Variants in REDIC1 observed in about 807,000 individuals in gnomAD.
REDIC1 encodes HEI10 Interacting Protein 1.
At chr12:39,692,140 A>G in the REDIC1 span, 1 of 1,474,774 alleles carries the variant, frequency 6.8e-7, no homozygotes, top group African/African-American at 1.4e-5. Flanking sequence ...AGTTAATTTT[A>G]CTCTATTTTA....
chr12:39,741,354 C>T, the REDIC1 span, among the ~76,000 whole-genome samples: 16 of 152,178 alleles, frequency 1.1e-4, no homozygotes, highest in African/African-American at 3.9e-4. Flanking sequence ...ACAAGAATAT[C>T]GATAGACTTC....
the REDIC1 span, among the ~76,000 whole-genome samples, chr12:39,711,675 GTGTGTATGCACATGTATGTGTA>G: frequency 7.5e-6 from 1 of 133,848 alleles, no homozygotes. Context: ...ACACATGTAT[GTGTGTATGCACATGTATGTGTA>G]TGTGTATACA....
chr12:39,671,226 G>A, the REDIC1 span, among the ~76,000 whole-genome samples: 1 of 152,280 alleles, frequency 6.6e-6, no homozygotes, highest in African/African-American at 2.4e-5. Flanking sequence ...CCATAAAGTT[G>A]GTTGGGTAGG....
chr12:39,810,861 G>C, the REDIC1 span, among the ~76,000 whole-genome samples: 2 of 152,096 alleles, frequency 1.3e-5, no homozygotes, highest in Non-Finnish European at 2.9e-5. Context: ...ATACAAGGGA[G>C]ATACTGCGAT....
the REDIC1 span, chr12:39,640,820 G>T: frequency 3.8e-6 from 2 of 533,072 alleles, no homozygotes; most frequent in African/African-American, 2.0e-5. Context: ...TATTTTTATA[G>T]TTTCTTTTCA....
chr12:39,635,398 G>A, the REDIC1 span, among the ~76,000 whole-genome samples: 3 of 152,102 alleles, frequency 2.0e-5, no homozygotes, highest in Non-Finnish European at 4.4e-5. Flanking sequence ...CAACCCAAAT[G>A]TCCATCAATG....
chr12:39,902,771 T>C, the REDIC1 span, among the ~76,000 whole-genome samples: 2 of 152,146 alleles, frequency 1.3e-5, no homozygotes, highest in African/African-American at 2.4e-5. Flanking sequence ...AATAATTTTA[T>C]ATTTACATAG....
the REDIC1 span, among the ~76,000 whole-genome samples, chr12:39,728,426 G>C: frequency 3.3e-5 from 5 of 152,208 alleles, no homozygotes; most frequent in Admixed American, 2.6e-4. Context: ...CATTGATCAT[G>C]TTTATGTGTG....
chr12:39,653,536 C>CTTCTTCTTCTTCT, the REDIC1 span, among the ~76,000 whole-genome samples: 1 of 55,382 alleles, frequency 1.8e-5, no homozygotes, highest in African/African-American at 4.8e-5. Flanking sequence ...TCTTCTTCTT[C>CTTCTTCTTCTTCT]TTTTTCTTCT....
chr12:39,802,067 G>A, the REDIC1 span, among the ~76,000 whole-genome samples: 1 of 152,162 alleles, frequency 6.6e-6, no homozygotes, highest in Non-Finnish European at 1.5e-5. Flanking sequence ...ATATAATAGA[G>A]AAGCACTAAG....
chr12:39,900,651 AAGG>A, the REDIC1 span, among the ~76,000 whole-genome samples: 6 of 152,336 alleles, frequency 3.9e-5, no homozygotes, highest in African/African-American at 1.4e-4. Flanking sequence ...GGACCTCTTC[AAGG>A]AGAACCACAA....
At chr12:39,754,434 T>TCAA in the REDIC1 span, 8 of 152,226 alleles carry the variant, frequency 5.3e-5, no homozygotes, top group East Asian at 1.4e-3. Context: ...TAGATGTAAC[T>TCAA]CAACTGTAAG....
chr12:39,642,982 C>G, the REDIC1 span, among the ~76,000 whole-genome samples: 1 of 151,688 alleles, frequency 6.6e-6, no homozygotes, highest in Non-Finnish European at 1.5e-5. Flanking sequence ...TGACCTCTTG[C>G]ACTAAATATT....
At chr12:39,830,075 T>C in the REDIC1 span, 1 of 1,612,824 alleles carries the variant, frequency 6.2e-7, no homozygotes, top group Non-Finnish European at 8.5e-7. Context: ...TATTATTATA[T>C]ATTCGTATGG....
At chr12:39,637,086 C>T in the REDIC1 span, among the ~76,000 whole-genome samples, 1 of 151,720 alleles carries the variant, frequency 6.6e-6, no homozygotes, top group Non-Finnish European at 1.5e-5. Context: ...TCTCCTTTCT[C>T]TTCCCTTCTC....
chr12:39,822,865 A>G, the REDIC1 span, among the ~76,000 whole-genome samples: 1 of 152,214 alleles, frequency 6.6e-6, no homozygotes, highest in South Asian at 2.1e-4. Flanking sequence ...ACAAGTGTTT[A>G]TTTATTATTA....
the REDIC1 span, among the ~76,000 whole-genome samples, chr12:39,700,412 G>T: frequency 6.6e-6 from 1 of 152,206 alleles, no homozygotes; most frequent in South Asian, 2.1e-4. Context: ...AACGAGCAAA[G>T]CCTCCAAGAA....
At chr12:39,711,486 T>A in the REDIC1 span, among the ~76,000 whole-genome samples, 2 of 144,454 alleles carry the variant, frequency 1.4e-5, no homozygotes, top group Non-Finnish European at 3.1e-5. Flanking sequence ...TATGTGTATA[T>A]ATGTATATAA....
the REDIC1 span, chr12:39,684,023 GA>G: frequency 3.9e-4 from 190 of 490,996 alleles, no homozygotes; most frequent in African/African-American, 3.8e-3. Flanking sequence ...TTACCTCTCA[GA>G]GACTCCATGT....
Sources: gnomAD v4.1 joint callset for allele counts (sites outside exome capture counted in the v4.1 genomes callset) on GRCh38, gnomAD v4.1.1 for gene constraint, MANE v1.5 for transcripts, NCBI Gene and HGNC (gene_info 2026-07-23, HGNC 2026-07-21) for gene names.